The following FOXK1 variants were observed in gnomAD, a reference collection of about 807,000 sequenced individuals.
FOXK1 encodes forkhead box K1.
FOXK1 carries 19 observed loss-of-function variants against 51.9 expected under a neutral mutation model. That is an observed-to-expected ratio of 0.37 (90% CI 0.26 to 0.54). The LOEUF (loss-of-function observed/expected upper bound fraction) is 0.54, where lower values mean the gene tolerates loss of function less well. FOXK1 is among the 20% of genes least tolerant of loss of function. The pLI is 0.87. For synonymous variants in FOXK1, 537 were observed against 482.6 expected, an observed-to-expected ratio of 1.11 and a Z score of -1.48; for missense variants, 870 against 1,032.7, an observed-to-expected ratio of 0.84 and a Z score of 2.16.
At chr7:4,686,826 T>TG (rs1379949475) in intron 1 of FOXK1, among the ~76,000 whole-genome samples, 1 of 143,768 alleles carries the variant, frequency 7.0e-6, no homozygotes, top group Non-Finnish European at 1.5e-5. Flanking sequence ...GAGCCTGTCA[T>TG]GGGGGGGAAT....
At position 4,731,320 on chromosome 7, in the gene FOXK1, G is replaced by T. The variant is rs1780473872; in HGVS notation, c.561-9518G>T. 6.6e-6 allele frequency among the ~76,000 whole-genome samples: 1 copy of T among 152,210 alleles called. No individual in the cohort carries two copies. The highest frequency in any genetic ancestry group is 1.5e-5 in the Non-Finnish European group (1 of 68,032). On this transcript the variant is annotated intron_variant, in intron 1 of 8. Transcript: ENST00000328914. This position sits in a 1 kb window ranked among gnomAD's most constrained non-coding sequence, Gnocchi z 5.3. ...CACTTAACAGAACCAGGCGAGCCAG[G>T]TTTAGTACTTTATCGGGTATCCTAA...
At position 4,747,692 on chromosome 7, in the gene FOXK1, C is replaced by T. The variant is rs1429495710; in HGVS notation, c.746+6669C>T. The stretch of plus-strand genomic sequence containing the variant: ...CTAGGACTACAGGCACCCACCACCA[C>T]ACACACCCAGCTCATTTTTTATTTT... On this transcript the variant is annotated intron_variant, in intron 2 of 8. Transcript: ENST00000328914. This position sits in a 1 kb window ranked among gnomAD's most constrained non-coding sequence, Gnocchi z 9.2. Among the ~76,000 whole-genome samples, 1 of 151,386 alleles carries T rather than the reference C, an allele frequency of 6.6e-6. No individual in the cohort carries two copies. The highest frequency in any genetic ancestry group is 2.0e-4 in the East Asian group (1 of 5,092).
intron 1 of FOXK1, among the ~76,000 whole-genome samples, chr7:4,692,831 G>C (rs1013855779): frequency 6.6e-6 from 1 of 150,464 alleles, no homozygotes; most frequent in African/African-American, 2.4e-5. Flanking sequence ...GGCTCAAGCA[G>C]TCCTCCTGCC....
chr7:4,708,504 G>A (rs1780133866), intron 1 of FOXK1, among the ~76,000 whole-genome samples: 1 of 152,220 alleles, frequency 6.6e-6, no homozygotes, highest in South Asian at 2.1e-4. Context: ...TCTCTCTCCA[G>A]GGTTAGGGTG....
rs1409028458 is a variant in FOXK1, at chr7:4,743,138, T to C, written c.746+2115T>C. Reference sequence around the variant, plus strand: ...ACTGAGAGCCTGGTGTGTGCCCGCCTGGCCCTGTGCTGAGCAGTGCACATG... The same window carrying C: ...ACTGAGAGCCTGGTGTGTGCCCGCCCGGCCCTGTGCTGAGCAGTGCACATG... On this transcript the variant is annotated intron_variant, in intron 2 of 8. Coordinates refer to ENST00000328914, the MANE Select transcript of FOXK1 (RefSeq NM_001037165.2). This position sits in a 1 kb window ranked among gnomAD's most constrained non-coding sequence, Gnocchi z 5.3. Among the ~76,000 whole-genome samples, 1 of 152,248 alleles carries C rather than the reference T, an allele frequency of 6.6e-6. No homozygotes were observed. The highest frequency in any genetic ancestry group is 1.9e-4 in the East Asian group (1 of 5,196).
chr7:4,712,165 G>A (rs1053250945), intron 1 of FOXK1, among the ~76,000 whole-genome samples: 1 of 151,844 alleles, frequency 6.6e-6, no homozygotes, highest in Non-Finnish European at 1.5e-5. Context: ...TCCAAGCATC[G>A]TTTCCCTTCC....
intron 1 of FOXK1, among the ~76,000 whole-genome samples, chr7:4,740,059 CTGAGG>C (rs1562385059): frequency 6.6e-6 from 1 of 152,156 alleles, no homozygotes; most frequent in African/African-American, 2.4e-5. Flanking sequence ...GTTTGGGAGG[CTGAGG>C]CAGGTGGATC....
At position 4,731,478 on chromosome 7, in the gene FOXK1, G is replaced by A. The variant is rs1780475434; in HGVS notation, c.561-9360G>A. 6.6e-6 allele frequency among the ~76,000 whole-genome samples: 1 copy of A among 152,086 alleles called. No individual in the cohort carries two copies. The highest frequency in any genetic ancestry group is 2.1e-4 in the South Asian group (1 of 4,820). On this transcript the variant is annotated intron_variant, in intron 1 of 8. Transcript: ENST00000328914. This position sits in a 1 kb window ranked among gnomAD's most constrained non-coding sequence, Gnocchi z 5.3. ...AAGAACCTTTTGAAAAGAGAGAGGC[G>A]GCCGGGCACAGTGGCTCACGCCTGT... is the stretch of plus-strand genomic sequence containing the variant.
intron 1 of FOXK1, among the ~76,000 whole-genome samples, chr7:4,713,527 C>T (rs1780200413): frequency 6.6e-6 from 1 of 151,050 alleles, no homozygotes; most frequent in Admixed American, 6.6e-5. Context: ...GAGTCTTGCT[C>T]TGTCGCCAGG....
At chr7:4,721,589 CTTTT>C (rs200132324) in intron 1 of FOXK1, among the ~76,000 whole-genome samples, 2 of 112,644 alleles carry the variant, frequency 1.8e-5, no homozygotes, top group Non-Finnish European at 1.7e-5. Context: ...TCTTTTTTTT[CTTTT>C]TTTTTTTTTT....
rs374959543 is a variant in FOXK1 at position 4,731,758 on chromosome 7, CAA to C, written c.561-9062_561-9061del. On this transcript the variant is annotated intron_variant, in intron 1 of 8. Transcript: ENST00000328914. This position sits in a 1 kb window ranked among gnomAD's most constrained non-coding sequence, Gnocchi z 5.3. ...TGGGCAACAAAGCGAAACTCTGCCT[CAA>C]AAAAAAAAAAAAAAAAAGAAAACAG... is the stretch of plus-strand genomic sequence containing the variant. 0.11 allele frequency among the ~76,000 whole-genome samples: 7,455 copies of C among 68,570 alleles called. 202 individuals carry two copies. Among genetic ancestry groups the C allele is most frequent in the Middle Eastern group, 0.18 (25 of 140 alleles). The allele number at this position is 68,570 out of a possible 152,430, so 45.0% of individuals were successfully genotyped here. A position where few individuals can be genotyped will look rare whatever the true frequency, so the allele number is the denominator to read the frequency against.
chr7:4,771,131 C>CCAGAGG lies in FOXK1; in HGVS notation c.*8668_*8673dup, dbSNP rs1027562161. 13 of 152,434 alleles carry CCAGAGG rather than the reference C, an allele frequency of 8.5e-5. No homozygotes were observed. The highest frequency in any genetic ancestry group is 2.9e-4 in the African/African-American group (12 of 41,368). 9.4% of individuals were successfully genotyped at this position (152,434 alleles called of 1,614,324 possible). ...GCACCGGGAGGGGGCACGCACGACA[C>CCAGAGG]CAGAGGAAGGGACAGCCCCACCCAT... On this transcript the variant is annotated 3_prime_UTR_variant, in exon 9 of 9. Coordinates refer to ENST00000328914, the MANE Select transcript of FOXK1 (RefSeq NM_001037165.2).
chr7:4,754,304 C>T (rs149725901), intron 2 of FOXK1, among the ~76,000 whole-genome samples, 155 bp from the exon 3 acceptor site: 100 of 152,362 alleles, frequency 6.6e-4, no homozygotes, highest in African/African-American at 2.2e-3. Context: ...CCCGCCGCTG[C>T]GTGACCTTGG....
rs557189617 is a variant in FOXK1, at chr7:4,740,286, C to T, written c.561-552C>T. Among the ~76,000 whole-genome samples the T allele has an allele frequency of 1.5e-3, 223 of 151,980 alleles. 1 individual carries two copies. Among genetic ancestry groups the T allele is most frequent in the South Asian group, 5.2e-3 (25 of 4,810 alleles). ...TCTACTAAAAATATAAAAAATTAGC[C>T]GGGCGTGGTGGCGGGCGCCTGTAGT... On this transcript the variant is annotated intron_variant, in intron 1 of 8. Transcript: ENST00000328914.
rs532818068 is a variant in FOXK1, at chr7:4,692,918, T to C, written c.560+10050T>C. Reference sequence around the variant, plus strand: ...TTTCTTTTATTTATTTATTTATTTTTGGTTGAGATGGGGTCTTGCCGCGTT... The same window carrying C: ...TTTCTTTTATTTATTTATTTATTTTCGGTTGAGATGGGGTCTTGCCGCGTT... On this transcript the variant is annotated intron_variant, in intron 1 of 8. Transcript: ENST00000328914. Among the ~76,000 whole-genome samples the C allele has an allele frequency of 3.0e-3, 463 of 152,198 alleles. 1 individual carries two copies. The highest frequency in any genetic ancestry group is 4.1e-3 in the Admixed American group (63 of 15,262).
In FOXK1 at chr7:4,757,091, C is replaced by T. The variant is rs1780862484; in HGVS notation, c.1148C>T (p.Pro383Leu). ...AAGGGGTCCTTTTGGCGAATAGACC[C>T]TGCCTCTGAAGCCAAGCTCGTGGAA... ...PGKGSFWRIDPASEAKLVEQA... is the reference protein window; with the variant it reads ...PGKGSFWRIDLASEAKLVEQA... Residue 383 changes from proline (P) to leucine (L), a missense_variant, in exon 5 of 9, where the codon CCT (proline) becomes CTT (leucine). By Grantham distance (98) the Pro-to-Leu change is moderately conservative (BLOSUM62 -3). Around this residue, in one of 3 missense-constraint regions of FOXK1, gnomAD observed 457 missense variants for 510.8 expected, o/e 0.89. Transcript: ENST00000328914. 5.6e-6 allele frequency: 9 copies of T among 1,613,886 alleles called. No homozygotes were observed. In the East Asian group the frequency reaches 1.1e-4, roughly 20 times the overall value.
At chr7:4,737,569 T>TGTGTGTGC (rs879705379) in intron 1 of FOXK1, among the ~76,000 whole-genome samples, 5 of 152,096 alleles carry the variant, frequency 3.3e-5, no homozygotes, top group Admixed American at 3.3e-4. Context: ...TGTGTGTGTG[T>TGTGTGTGC]GTGTGCATGC....
chr7:4,698,006 G>A (rs1218469607), intron 1 of FOXK1, among the ~76,000 whole-genome samples: 2 of 151,944 alleles, frequency 1.3e-5, no homozygotes, highest in Non-Finnish European at 2.9e-5. Flanking sequence ...TGTATTTTTA[G>A]TAGAGATGGG....
chr7:4,756,026 T>C lies in FOXK1; in HGVS notation c.1050+643T>C, dbSNP rs1469825924. ...ATTGTGGATGGCATTTTAAGAGCTT[T>C]GTCCACACCAGCCATGACTGATGCA... is the stretch of plus-strand genomic sequence containing the variant. On this transcript the variant is annotated intron_variant, in intron 4 of 8. Transcript: ENST00000328914. This position sits in a 1 kb window ranked among gnomAD's most constrained non-coding sequence, Gnocchi z 4.1. Among the ~76,000 whole-genome samples, 1 of 152,216 alleles carries C rather than the reference T, an allele frequency of 6.6e-6. No homozygotes were observed. The highest frequency in any genetic ancestry group is 1.5e-5 in the Non-Finnish European group (1 of 68,030).
Sources: allele counts gnomAD v4.1 joint callset (sites outside exome capture counted in the v4.1 genomes callset), GRCh38; gene constraint gnomAD v4.1.1; regional missense constraint gnomAD v4.1.1; non-coding constraint Gnocchi (gnomAD v3.1); transcripts MANE v1.5; gene names NCBI Gene and HGNC (gene_info 2026-07-23, HGNC 2026-07-21).